Variants in GK5 observed in about 807,000 individuals in gnomAD.
GK5 encodes ATP:glycerol 3-phosphotransferase 5.
In GK5, 39 loss-of-function variants were observed where a neutral mutation model predicts 77.3. That is an observed-to-expected ratio of 0.50 (90% CI 0.39 to 0.66). The LOEUF (loss-of-function observed/expected upper bound fraction) is 0.66, where lower values mean the gene tolerates loss of function less well. Ranked by LOEUF, GK5 falls within the 30% of genes least tolerant of loss-of-function variation. The pLI, the probability that GK5 is intolerant of heterozygous loss-of-function variation, is 0.00. For synonymous variants in GK5, 211 were observed against 208.0 expected (o/e 1.01, Z -0.13); for missense variants, 487 against 633.8 (o/e 0.77, Z 2.49).
intron 4 of GK5, among the ~76,000 whole-genome samples, chr3:142,199,891 C>T (rs931849729): frequency 3.3e-5 from 5 of 151,946 alleles, no homozygotes; most frequent in Non-Finnish European, 5.9e-5. Context: ...AACTTACCCA[C>T]TTTTGTTAAT....
intron 1 of GK5, among the ~76,000 whole-genome samples, chr3:142,218,032 T>C (rs1443340776): frequency 1.3e-5 from 2 of 152,092 alleles, no homozygotes; most frequent in Non-Finnish European, 2.9e-5. Context: ...CAAGACTTAC[T>C]ATAAAGCTAC....
intron 6 of GK5, among the ~76,000 whole-genome samples, chr3:142,186,850 C>T (rs1021263115): frequency 9.2e-5 from 14 of 151,922 alleles, no homozygotes; most frequent in Non-Finnish European, 1.5e-4. Context: ...AGGCTGGTCT[C>T]GAACTCCCAA....
At chr3:142,169,456 G>T (rs1412463353) in intron 15 of GK5, among the ~76,000 whole-genome samples, 1 of 152,122 alleles carries the variant, frequency 6.6e-6, no homozygotes, top group Non-Finnish European at 1.5e-5. Flanking sequence ...AATGTTATTA[G>T]GTTGGTTAGC....
At chr3:142,185,870 TA>T in intron 9 of GK5, 58 bp downstream of exon 9, 1 of 1,545,180 alleles carries the variant, frequency 6.5e-7, no homozygotes, top group South Asian at 1.2e-5. Flanking sequence ...TCTCAATTAT[TA>T]ATACATATTA....
At chr3:142,191,699 A>G (rs1329343069) in intron 5 of GK5, among the ~76,000 whole-genome samples, 1 of 152,058 alleles carries the variant, frequency 6.6e-6, no homozygotes, top group Admixed American at 6.6e-5. Flanking sequence ...TTAGCCTCCT[A>G]TAATCCCAGC....
At chr3:142,177,843 C>T (rs1405114223) in intron 11 of GK5, among the ~76,000 whole-genome samples, 1 of 149,934 alleles carries the variant, frequency 6.7e-6, no homozygotes, top group Admixed American at 6.7e-5. Context: ...TGCAGCAGGA[C>T]TTACGTTTTT....
At chr3:142,188,245 A>C (rs1481816798) in intron 5 of GK5, among the ~76,000 whole-genome samples, 1 of 151,964 alleles carries the variant, frequency 6.6e-6, no homozygotes, top group Non-Finnish European at 1.5e-5. Flanking sequence ...AAAAATGCAA[A>C]AAATGGCCAG....
intron 15 of GK5, among the ~76,000 whole-genome samples, chr3:142,168,733 C>CA (rs1217842906): frequency 4.3e-5 from 6 of 138,638 alleles, no homozygotes; most frequent in Non-Finnish European, 9.3e-5. Flanking sequence ...CCCACCCCCC[C>CA]ACCCCCGGTT....
intron 5 of GK5, among the ~76,000 whole-genome samples, chr3:142,198,475 G>A (rs1415366783): frequency 4.6e-5 from 7 of 151,772 alleles, no homozygotes; most frequent in African/African-American, 1.5e-4. Context: ...TTAGCCGGGC[G>A]TGGTGGCACG....
intron 12 of GK5, among the ~76,000 whole-genome samples, chr3:142,172,867 T>C (rs1049280023): frequency 1.3e-5 from 2 of 152,212 alleles, no homozygotes; most frequent in Non-Finnish European, 2.9e-5. Flanking sequence ...AAAATGTACT[T>C]TTTAGTGTCA....
At chr3:142,178,793 G>A (rs1402404284) in intron 11 of GK5, among the ~76,000 whole-genome samples, 1 of 152,174 alleles carries the variant, frequency 6.6e-6, no homozygotes, top group Non-Finnish European at 1.5e-5. Context: ...GGAATGGAAT[G>A]GCCAGTTCTA....
rs1192305880 is a variant in GK5 at position 142,186,174 on chromosome 3, T to C, written c.755+20A>G. Reference sequence around the variant, plus strand: ...TCAAGAACCATTGTGCTGGTTACTATGTCTGATGTTTATTATTACCTTGTG... The same window carrying C: ...TCAAGAACCATTGTGCTGGTTACTACGTCTGATGTTTATTATTACCTTGTG... On this transcript the variant is annotated intron_variant, in intron 8 of 15. Transcript: ENST00000392993. 3 of 1,445,176 alleles carry C rather than the reference T, an allele frequency of 2.1e-6. No homozygotes were observed. Among genetic ancestry groups the C allele is most frequent in the African/African-American group, 1.4e-5 (1 of 71,544 alleles). The allele number at this position is 1,445,176 out of a possible 1,614,324, so 89.5% of individuals were successfully genotyped here.
intron 1 of GK5, among the ~76,000 whole-genome samples, chr3:142,220,885 T>C (rs1283418272): frequency 6.6e-6 from 1 of 152,164 alleles, no homozygotes; most frequent in African/African-American, 2.4e-5. Context: ...TCAAAGTCTT[T>C]ATAAGGAGCC....
In GK5 at chr3:142,160,551, A is replaced by T. The variant is rs1257498636; in HGVS notation, c.*5071T>A. The T allele has an allele frequency of 6.6e-6, 1 of 152,174 alleles. No individual in the cohort carries two copies. Among genetic ancestry groups the T allele is most frequent in the African/African-American group, 2.4e-5 (1 of 41,438 alleles). The allele number at this position is 152,174 out of a possible 1,614,324, so 9.4% of individuals were successfully genotyped here. A position where few individuals can be genotyped will look rare whatever the true frequency, so the allele number is the denominator to read the frequency against. Reference sequence around the variant, plus strand: ...TGAAGTTCCTTCCCTATAGCACCAGAGTGTTTCGCACTCTTAAAATTCAAT... The same window carrying T: ...TGAAGTTCCTTCCCTATAGCACCAGTGTGTTTCGCACTCTTAAAATTCAAT... On this transcript the variant is annotated 3_prime_UTR_variant, in exon 16 of 16. Transcript: ENST00000392993.
At chr3:142,166,052 A>T (rs1034979588) in intron 15 of GK5, among the ~76,000 whole-genome samples, 1 of 152,196 alleles carries the variant, frequency 6.6e-6, no homozygotes, top group Admixed American at 6.5e-5. Context: ...ATTTAATTTC[A>T]TAACTTGCTA....
chr3:142,214,904 A>C (rs981702436), intron 2 of GK5, among the ~76,000 whole-genome samples: 1 of 152,250 alleles, frequency 6.6e-6, no homozygotes, highest in African/African-American at 2.4e-5. Flanking sequence ...AAATATTACA[A>C]AATATGTTTG....
intron 14 of GK5, among the ~76,000 whole-genome samples, chr3:142,171,199 C>G (rs1307274730): frequency 6.6e-6 from 1 of 152,008 alleles, no homozygotes; most frequent in African/African-American, 2.4e-5. Flanking sequence ...CCACTGCACT[C>G]CAGCCTGAGT....
At position 142,170,469 on chromosome 3, in the gene GK5, C is replaced by A. The variant is rs1463745581; in HGVS notation, c.1308-11G>T. On this transcript the variant is annotated splice_polypyrimidine_tract_variant and intron_variant, in intron 14 of 15. Transcript: ENST00000392993. ...ACTCCTCCATCTGCCCTGTGGGGAA[C>A]AAAATATGTAAGATGAATTACTACA... The A allele has an allele frequency of 1.9e-6, 3 of 1,597,346 alleles. No homozygotes were observed. The highest frequency in any genetic ancestry group is 2.6e-6 in the Non-Finnish European group (3 of 1,168,194).
chr3:142,194,416 C>T (rs2063901920), intron 5 of GK5, among the ~76,000 whole-genome samples: 1 of 151,958 alleles, frequency 6.6e-6, no homozygotes, highest in Non-Finnish European at 1.5e-5. Flanking sequence ...GTCCCAACTA[C>T]TTGGGAGGCT....
Sources: allele counts gnomAD v4.1 joint callset (sites outside exome capture counted in the v4.1 genomes callset), GRCh38; gene constraint gnomAD v4.1.1; transcripts MANE v1.5; gene names NCBI Gene and HGNC (gene_info 2026-07-23, HGNC 2026-07-21).